The following PKNOX1 variants were observed in gnomAD, a reference collection of about 807,000 sequenced individuals.
The protein encoded by PKNOX1 is PBX/knotted 1 homeobox 1, also known as homeobox protein PKNOX1.
PKNOX1 carries 15 observed loss-of-function variants against 51.9 expected under a neutral mutation model. That is an observed-to-expected ratio of 0.29 (90% CI 0.19 to 0.45). PKNOX1 has a LOEUF of 0.45. PKNOX1 is among the 20% of genes least tolerant of loss of function. The pLI is 1.00. For missense variants in PKNOX1, 462 were observed against 547.5 expected (o/e 0.84, Z 1.56); for synonymous variants, 219 against 211.1 (o/e 1.04, Z -0.32).
At chr21:42,998,433 A>G (rs751953165) in intron 1 of PKNOX1, among the ~76,000 whole-genome samples, 8 of 152,160 alleles carry the variant, frequency 5.3e-5, no homozygotes, top group Non-Finnish European at 7.4e-5. Flanking sequence ...ATCATGTTTC[A>G]AAACCAATCA....
chr21:42,984,444 G>A lies in PKNOX1; in HGVS notation c.-57+9780G>A, dbSNP rs942094400. Among the ~76,000 whole-genome samples, 127 of 150,864 alleles carry A rather than the reference G, an allele frequency of 8.4e-4. No homozygotes were observed. In the Middle Eastern group the frequency reaches 0.021, roughly 25 times the overall value. ...GCTCTTGTTGCTCAGGCTGGAGTGC[G>A]ATGGCATGATCTTGGCTCACCACAA... On this transcript the variant is annotated intron_variant, in intron 1 of 10. Coordinates refer to ENST00000291547, the MANE Select transcript of PKNOX1 (RefSeq NM_004571.5).
intron 2 of PKNOX1, among the ~76,000 whole-genome samples, chr21:43,007,120 T>C (rs1979020807): frequency 6.6e-6 from 1 of 152,214 alleles, no homozygotes; most frequent in South Asian, 2.1e-4. Flanking sequence ...TGTGACATGG[T>C]AAGAAGACCT....
rs1256571658 is a variant in PKNOX1, at chr21:43,024,929, T to C, written c.908T>C (p.Leu303Pro). 1 of 1,609,404 alleles carries C rather than the reference T, an allele frequency of 6.2e-7. No individual in the cohort carries two copies. Among genetic ancestry groups the C allele is most frequent in the South Asian group, 1.1e-5 (1 of 90,920 alleles). The change falls in exon 9 of 11, where the codon CTA (leucine) becomes CCA (proline). Residue 303 changes from leucine to proline, a missense_variant. By Grantham distance (98) the Leu-to-Pro change is moderately conservative (BLOSUM62 -3). Around this residue, in one of 5 missense-constraint regions of PKNOX1, gnomAD observed 75 missense variants for 129.8 expected, o/e 0.58. Transcript: ENST00000291547. ...ATTGCTGCTCAGACAAATTTGACACTACTCCAAGTCAACAACTGGTAAGGT... is the reference window on the plus strand; with the variant it reads ...ATTGCTGCTCAGACAAATTTGACACCACTCCAAGTCAACAACTGGTAAGGT... ...KQIAAQTNLT[L>P]LQVNNWFINA...
chr21:42,974,988 G>A (rs1042035304), intron 1 of PKNOX1, among the ~76,000 whole-genome samples: 8 of 147,066 alleles, frequency 5.4e-5, no homozygotes, highest in African/African-American at 1.7e-4. Context: ...GCCGCGCTGG[G>A]CCTGATCGAA....
intron 4 of PKNOX1, among the ~76,000 whole-genome samples, chr21:43,010,489 A>C (rs118097759): frequency 0.026 from 4,032 of 152,178 alleles, 85 homozygotes; most frequent in Middle Eastern, 0.051. Context: ...AGATGGTCTC[A>C]AACTCCTGGC....
In PKNOX1 at chr21:43,029,992, C is replaced by G; in HGVS notation, c.1202C>G (p.Ala401Gly). The G allele has an allele frequency of 6.2e-7, 1 of 1,614,040 alleles. No individual in the cohort carries two copies. Residue 401 changes from alanine (A) to glycine (G), a missense_variant, in exon 11 of 11, where the codon GCA (alanine) becomes GGA (glycine). Physicochemically the swap from Ala to Gly is moderately conservative, Grantham distance 60. Transcript: ENST00000291547. ...CTGGCGGTGCAGCAGGTCATGATGGCAGGGCAGAGCGAGGACGAGTCTGTG... is the reference window on the plus strand; with the variant it reads ...CTGGCGGTGCAGCAGGTCATGATGGGAGGGCAGAGCGAGGACGAGTCTGTG... ...ATLAVQQVMM[A>G]GQSEDESVDS...
At chr21:42,998,788 A>C (rs1436478054) in intron 1 of PKNOX1, among the ~76,000 whole-genome samples, 1 of 152,194 alleles carries the variant, frequency 6.6e-6, no homozygotes, top group Non-Finnish European at 1.5e-5. Flanking sequence ...GGTCCTGGGC[A>C]TCTCCGCCCC....
At chr21:43,014,088 C>A (rs541425589) in intron 5 of PKNOX1, among the ~76,000 whole-genome samples, 1 of 140,280 alleles carries the variant, frequency 7.1e-6, no homozygotes, top group Admixed American at 7.6e-5. Context: ...GTGGCGCGAT[C>A]TCGGCTTACT....
intron 8 of PKNOX1, among the ~76,000 whole-genome samples, chr21:43,023,016 A>T (rs533922299): frequency 6.6e-6 from 1 of 152,004 alleles, no homozygotes; most frequent in Non-Finnish European, 1.5e-5. Flanking sequence ...CAAACAATAA[A>T]CCCTGCCCAT....
At chr21:43,014,554 T>G (rs559753001) in intron 5 of PKNOX1, among the ~76,000 whole-genome samples, 2 of 152,208 alleles carry the variant, frequency 1.3e-5, no homozygotes, top group Non-Finnish European at 2.9e-5. Flanking sequence ...ATTCTTTTGG[T>G]GTCAAGTCTA....
At position 43,021,831 on chromosome 21, in the gene PKNOX1, C is replaced by T. The variant is rs1979770021; in HGVS notation, c.849+400C>T. 6.6e-6 allele frequency among the ~76,000 whole-genome samples: 1 copy of T among 152,240 alleles called. No individual in the cohort carries two copies. Among genetic ancestry groups the T allele is most frequent in the South Asian group, 2.1e-4 (1 of 4,832 alleles). On this transcript the variant is annotated intron_variant, in intron 8 of 10. Coordinates refer to ENST00000291547, the MANE Select transcript of PKNOX1 (RefSeq NM_004571.5). This position sits in a 1 kb window ranked among gnomAD's most constrained non-coding sequence, Gnocchi z 4.6. ...GACATCGCAGGGCCGGGTGCACCCA[C>T]AGGTGGGCCACCGGGTGGGTGCCTT...
chr21:43,029,419 G>T (rs1387922196), intron 10 of PKNOX1, among the ~76,000 whole-genome samples: 2 of 98,584 alleles, frequency 2.0e-5, no homozygotes, highest in Non-Finnish European at 4.0e-5. Context: ...TTATTTGTTT[G>T]CTTTGTTTTT....
intron 2 of PKNOX1, among the ~76,000 whole-genome samples, chr21:43,006,124 T>G (rs543868605): frequency 6.6e-6 from 1 of 152,184 alleles, no homozygotes; most frequent in East Asian, 1.9e-4. Flanking sequence ...TTTATTTATT[T>G]ACTTATTTAT....
rs755101671 is a variant in PKNOX1, at chr21:43,021,458, C to T, written c.849+27C>T. 2 of 1,576,790 alleles carry T rather than the reference C, an allele frequency of 1.3e-6. No individual in the cohort carries two copies. The highest frequency in any genetic ancestry group is 1.7e-6 in the Non-Finnish European group (2 of 1,159,100). ...TAAGGACGGCTGGGCCAGCCCTTGC[C>T]TTGCAGCCCTCTGCGACGCTTGCTC... On this transcript the variant is annotated intron_variant, in intron 8 of 10. Coordinates refer to ENST00000291547, the MANE Select transcript of PKNOX1 (RefSeq NM_004571.5). The surrounding 1 kb of genome is among the most constrained non-coding windows in gnomAD (Gnocchi z 4.6).
chr21:43,016,597 C>A (rs1979496783), intron 5 of PKNOX1, among the ~76,000 whole-genome samples: 1 of 152,174 alleles, frequency 6.6e-6, no homozygotes, highest in African/African-American at 2.4e-5. Flanking sequence ...GATCAGAAAG[C>A]AGGGTCTTCC....
At chr21:42,984,435 C>G (rs1359367400) in intron 1 of PKNOX1, among the ~76,000 whole-genome samples, 3 of 151,762 alleles carry the variant, frequency 2.0e-5, no homozygotes, top group Non-Finnish European at 4.4e-5. Flanking sequence ...GTTGCTCAGG[C>G]TGGAGTGCGA....
chr21:42,988,003 C>T (rs1489169858), intron 1 of PKNOX1, among the ~76,000 whole-genome samples: 1 of 152,022 alleles, frequency 6.6e-6, no homozygotes, highest in Non-Finnish European at 1.5e-5. Flanking sequence ...CCTTCTGGCC[C>T]TTTACAGAAA....
chr21:43,008,297 A>G (rs1390033170), intron 3 of PKNOX1, among the ~76,000 whole-genome samples: 1 of 152,198 alleles, frequency 6.6e-6, no homozygotes, highest in African/African-American at 2.4e-5. Flanking sequence ...TCACTTTATA[A>G]TTGACATCAC....
chr21:42,998,911 G>C (rs1452568232), intron 1 of PKNOX1, among the ~76,000 whole-genome samples: 1 of 152,126 alleles, frequency 6.6e-6, no homozygotes, highest in Non-Finnish European at 1.5e-5. Flanking sequence ...ACCATTCTGG[G>C]GTCTGGAGGA....
Sources: allele counts gnomAD v4.1 joint callset (sites outside exome capture counted in the v4.1 genomes callset), GRCh38; gene constraint gnomAD v4.1.1; regional missense constraint gnomAD v4.1.1; non-coding constraint Gnocchi (gnomAD v3.1); transcripts MANE v1.5; gene names NCBI Gene and HGNC (gene_info 2026-07-23, HGNC 2026-07-21).